LDB3: variants seen among roughly 807,000 people sequenced by gnomAD.
The protein encoded by LDB3 is LIM domain-binding protein 3.
LDB3 carries 49 observed loss-of-function variants against 69.0 expected under a neutral mutation model. The observed-to-expected ratio is 0.71, with a 90% CI of 0.56 to 0.90. The LOEUF (loss-of-function observed/expected upper bound fraction) is 0.90, where lower values mean the gene tolerates loss of function less well. Ranked by LOEUF, LDB3 falls within the 40% of genes least tolerant of loss-of-function variation. The probability of loss-of-function intolerance (pLI) is 0.00; values close to 1 mark genes in which losing one functional copy is unlikely to be tolerated. For missense variants in LDB3, 928 were observed against 974.1 expected (o/e 0.95, Z 0.63); for synonymous variants, 387 against 396.2 (o/e 0.98, Z 0.28).
chr10:86,717,242 A>G (rs1259083584), intron 10 of LDB3, among the ~76,000 whole-genome samples: 2 of 152,196 alleles, frequency 1.3e-5, no homozygotes, highest in Non-Finnish European at 2.9e-5. Context: ...CTTAGAAGCC[A>G]TGGACCATGG....
At chr10:86,703,319 G>A (rs895693269) in intron 7 of LDB3, among the ~76,000 whole-genome samples, 32 of 152,344 alleles carry the variant, frequency 2.1e-4, no homozygotes, top group South Asian at 6.2e-4. Flanking sequence ...GCTCAGTGGC[G>A]TGGCTACAGA....
intron 13 of LDB3, 47 bp downstream of exon 13, chr10:86,726,299 G>A (rs376587456): frequency 8.2e-6 from 12 of 1,466,658 alleles, no homozygotes; most frequent in African/African-American, 5.6e-5. Context: ...GAGGCAGGAG[G>A]GAGGAAGTGG....
intron 12 of LDB3, among the ~76,000 whole-genome samples, chr10:86,721,931 C>A (rs568781165): frequency 6.6e-6 from 1 of 151,926 alleles, no homozygotes. Flanking sequence ...CAGCTTGGGA[C>A]AAGAGAGAGT....
chr10:86,714,768 A>C (rs1308123597), intron 9 of LDB3, among the ~76,000 whole-genome samples: 1 of 152,094 alleles, frequency 6.6e-6, no homozygotes, highest in Non-Finnish European at 1.5e-5. Flanking sequence ...CACATTAGCC[A>C]GGATGGTCTC....
intron 5 of LDB3, among the ~76,000 whole-genome samples, chr10:86,684,440 C>CCA (rs1845348253): frequency 6.6e-6 from 1 of 152,242 alleles, no homozygotes; most frequent in African/African-American, 2.4e-5. Flanking sequence ...TGCAGGGGGC[C>CCA]CTGGGCTGGT....
At chr10:86,693,637 C>T (rs915177414) in intron 7 of LDB3, among the ~76,000 whole-genome samples, 1 of 152,240 alleles carries the variant, frequency 6.6e-6, no homozygotes, top group African/African-American at 2.4e-5. Context: ...CTAAGGATGG[C>T]ATGCAGTCCC....
intron 5 of LDB3, among the ~76,000 whole-genome samples, chr10:86,683,037 C>G (rs1845252966): frequency 6.6e-6 from 1 of 152,202 alleles, no homozygotes; most frequent in East Asian, 1.9e-4. Context: ...TATATGCCCC[C>G]AGGGTTCCCC....
chr10:86,713,573 C>T (rs1846751521), intron 9 of LDB3, among the ~76,000 whole-genome samples: 1 of 152,156 alleles, frequency 6.6e-6, no homozygotes, highest in Non-Finnish European at 1.5e-5. Context: ...CAGAGAATTG[C>T]ACTTCACAAA....
At chr10:86,674,909 G>C (rs1844699950) in intron 2 of LDB3, among the ~76,000 whole-genome samples, 1 of 152,080 alleles carries the variant, frequency 6.6e-6, no homozygotes, top group African/African-American at 2.4e-5. Context: ...TGGGGTGAAG[G>C]CATCCGATGG....
intron 6 of LDB3, 148 bp from the exon 7 acceptor site, chr10:86,692,387 C>A: frequency 1.2e-6 from 1 of 852,754 alleles, no homozygotes; most frequent in Non-Finnish European, 2.0e-6. Flanking sequence ...TCCTCTGGGG[C>A]CTCTGCCCAG....
intron 5 of LDB3, chr10:86,685,609 G>T: frequency 1.3e-6 from 2 of 1,526,078 alleles, no homozygotes; most frequent in Admixed American, 1.7e-5. Flanking sequence ...TGATGGCCCC[G>T]GCGCTCAAAC....
At chr10:86,671,073 G>A (rs1309612635) in intron 2 of LDB3, among the ~76,000 whole-genome samples, 1 of 151,960 alleles carries the variant, frequency 6.6e-6, no homozygotes, top group Non-Finnish European at 1.5e-5. Flanking sequence ...CCCCAGCCAG[G>A]ACCTGAGCCT....
intron 5 of LDB3, chr10:86,685,731 C>T: frequency 6.2e-7 from 1 of 1,613,704 alleles, no homozygotes; most frequent in Non-Finnish European, 8.5e-7. Context: ...TGTGTGTGCG[C>T]TTGCGTGCCA....
chr10:86,723,043 G>T (rs1227790950), intron 12 of LDB3, among the ~76,000 whole-genome samples: 2 of 151,820 alleles, frequency 1.3e-5, no homozygotes, highest in African/African-American at 4.8e-5. Context: ...AAGGCAGGAG[G>T]ACCCCTTGAG....
chr10:86,718,267 C>A, intron 11 of LDB3, 123 bp downstream of exon 11: 1 of 912,582 alleles, frequency 1.1e-6, no homozygotes, highest in Non-Finnish European at 1.8e-6. Context: ...CCATTTTTAT[C>A]CTAAAAGGGA....
chr10:86,683,412 A>G (rs992877573), intron 5 of LDB3, among the ~76,000 whole-genome samples: 1 of 152,244 alleles, frequency 6.6e-6, no homozygotes, highest in African/African-American at 2.4e-5. Context: ...ACAGCTAGTA[A>G]GTGGCAGACA....
Position 86,680,583 on chromosome 10 carries a change from G to C in LDB3, c.321+426G>C, listed in dbSNP as rs1787834455. On this transcript the variant is annotated intron_variant, in intron 4 of 13. Transcript: ENST00000361373. ...GACGAGGACCTCCAGGTGTGGAGGG[G>C]CCTGCTGGCCTCACCCAGATCTCTC... Among the ~76,000 whole-genome samples, 7 of 152,310 alleles carry C rather than the reference G, an allele frequency of 4.6e-5. No homozygotes were observed. The South Asian group carries it at 1.4e-3, about 32-fold the overall frequency.
chr10:86,731,809 T>G (rs1281274487), intron 13 of LDB3, among the ~76,000 whole-genome samples: 3 of 151,648 alleles, frequency 2.0e-5, no homozygotes, highest in Non-Finnish European at 4.4e-5. Flanking sequence ...GCCTTGTTCC[T>G]TTTTGGCATT....
rs1278050833 is a variant in LDB3 at position 86,695,656 on chromosome 10, G to T, written c.896+3085G>T. Reference sequence around the variant, plus strand: ...TGTGGCTCCCCAGTTTCCATCGGAGGTAGCTGAAATAGTGCCTCCATCCCA... The same window carrying T: ...TGTGGCTCCCCAGTTTCCATCGGAGTTAGCTGAAATAGTGCCTCCATCCCA... On this transcript the variant is annotated intron_variant, in intron 7 of 13. Coordinates refer to ENST00000361373, the MANE Select transcript of LDB3 (RefSeq NM_007078.3). Among the ~76,000 whole-genome samples, 3 of 152,224 alleles carry T rather than the reference G, an allele frequency of 2.0e-5. No homozygotes were observed. The East Asian group carries it at 5.8e-4, about 29-fold the overall frequency.
Sources: gnomAD v4.1 joint callset for allele counts (sites outside exome capture counted in the v4.1 genomes callset) on GRCh38, gnomAD v4.1.1 for gene constraint, MANE v1.5 for transcripts, NCBI Gene and HGNC (gene_info 2026-07-23, HGNC 2026-07-21) for gene names.